The following KAZN variants were observed in gnomAD, a reference collection of about 807,000 sequenced individuals.
KAZN encodes the protein kazrin, periplakin interacting protein, also known as kazrin.
KAZN carries 40 observed loss-of-function variants against 87.4 expected under a neutral mutation model. The observed-to-expected ratio is 0.46, with a 90% confidence interval of 0.36 to 0.60. The LOEUF (loss-of-function observed/expected upper bound fraction) is 0.60. Among genes scored for constraint, KAZN ranks in the 20% least tolerant of loss-of-function variants. The probability of loss-of-function intolerance (pLI) is 0.00; values close to 1 mark genes in which losing one functional copy is unlikely to be tolerated. For missense variants in KAZN, 898 were observed against 1,073.9 expected, an observed-to-expected ratio of 0.84 and a Z score of 2.29; for synonymous variants, 466 against 458.3, an observed-to-expected ratio of 1.02 and a Z score of -0.22.
At chr1:14,718,670 C>T (rs1031573418) in intron 1 of KAZN, among the ~76,000 whole-genome samples, 13 of 152,148 alleles carry the variant, frequency 8.5e-5, no homozygotes, top group East Asian at 1.9e-4. Context: ...TTAGCACACG[C>T]GGGCAGTGCC....
At position 14,997,204 on chromosome 1, in the gene KAZN, CATTTATTTATTTATTTATTT is replaced by C. The variant is rs35436643; in HGVS notation, c.418+36362_418+36381del. 1.7e-3 allele frequency among the ~76,000 whole-genome samples: 203 copies of C among 120,892 alleles called. 1 individual carries two copies. Among genetic ancestry groups the C allele is most frequent in the East Asian group, 0.014 (57 of 4,042 alleles). 79.3% of individuals were successfully genotyped at this position (120,892 alleles called of 152,430 possible). ...TCTGTTTTCTTTTCTTTCTTTCTTT[CATTTATTTATTTATTTATTT>C]ATTTATTTATTTATTTATTTATTTA... On this transcript the variant is annotated intron_variant, in intron 2 of 14. Transcript: ENST00000376030.
chr1:14,218,955 A>G (rs1270967437), intron 2 of KAZN, among the ~76,000 whole-genome samples: 1 of 152,168 alleles, frequency 6.6e-6, no homozygotes, highest in East Asian at 1.9e-4. Context: ...CATGGCTGTG[A>G]TAGAAGAATA....
chr1:14,924,628 G>T lies in KAZN; in HGVS notation c.227-36056G>T, dbSNP rs370027200. 3.3e-5 allele frequency: 31 copies of T among 943,618 alleles called. No homozygotes were observed. The East Asian group carries it at 2.9e-3, about 89-fold the overall frequency. The allele number at this position is 943,618 out of a possible 1,614,324, so 58.5% of individuals were successfully genotyped here. ...CGGCGCGGACACAGGCCCAGGAGCC[G>T]CCGGGGCCGGGCGCGCGAGGGCGCT... On this transcript the variant is annotated intron_variant, in intron 1 of 14. Coordinates refer to ENST00000376030, the MANE Select transcript of KAZN (RefSeq NM_201628.3).
chr1:14,421,900 A>G (rs1042428778), intron 2 of KAZN, among the ~76,000 whole-genome samples: 8 of 152,130 alleles, frequency 5.3e-5, no homozygotes, highest in Non-Finnish European at 8.8e-5. Flanking sequence ...TGAATAACCA[A>G]CTACACTGAC....
At position 15,066,427 on chromosome 1, in the gene KAZN, G is replaced by C; in HGVS notation, c.1222+674G>C. The C allele has an allele frequency of 1.0e-6, 1 of 985,254 alleles. No homozygotes were observed. The highest frequency in any genetic ancestry group is 1.7e-5 in the African/African-American group (1 of 57,274). 61.0% of individuals were successfully genotyped at this position (985,254 alleles called of 1,614,324 possible). On this transcript the variant is annotated intron_variant, in intron 8 of 14. Transcript: ENST00000376030. This position sits in a 1 kb window ranked among gnomAD's most constrained non-coding sequence, Gnocchi z 4.3. ...ACCACAAAACGCCATCGTCGTCAGG[G>C]TAAGCTCTGCTCTCTACAAAGACTC...
chr1:15,043,574 A>ACGG (rs1389498641), intron 3 of KAZN, among the ~76,000 whole-genome samples: 5 of 144,262 alleles, frequency 3.5e-5, no homozygotes, highest in Non-Finnish European at 7.5e-5. Context: ...GTTCGTGCCC[A>ACGG]CGGCTTTCCC....
intron 2 of KAZN, among the ~76,000 whole-genome samples, chr1:14,547,521 T>C (rs1430936930): frequency 6.6e-6 from 1 of 152,184 alleles, no homozygotes; most frequent in Non-Finnish European, 1.5e-5. Context: ...ATTGACGACA[T>C]GAATCAAAAC....
intron 2 of KAZN, among the ~76,000 whole-genome samples, chr1:14,396,903 T>TTTC (rs1188150786): frequency 6.6e-6 from 1 of 151,446 alleles, no homozygotes; most frequent in Non-Finnish European, 1.5e-5. Context: ...TCTATGAGTT[T>TTTC]TTTTTTTTTA....
At chr1:14,024,149 G>C (rs1018963778) in intron 1 of KAZN, among the ~76,000 whole-genome samples, 5 of 152,324 alleles carry the variant, frequency 3.3e-5, no homozygotes, top group African/African-American at 1.2e-4. Flanking sequence ...AAAACCTTCA[G>C]GCTGGTGACC....
At chr1:14,357,501 G>T (rs192740275) in intron 2 of KAZN, among the ~76,000 whole-genome samples, 39 of 152,126 alleles carry the variant, frequency 2.6e-4, no homozygotes, top group African/African-American at 8.9e-4. Flanking sequence ...GTCTTGTGCC[G>T]GTTTTCAAAG....
At position 13,952,333 on chromosome 1, in the gene KAZN, A is replaced by AGATGAT. The variant is rs201399948; in HGVS notation, c.91+58580_91+58581insGATGAT. Among the ~76,000 whole-genome samples, 4 of 85,152 alleles carry AGATGAT rather than the reference A, an allele frequency of 4.7e-5. No homozygotes were observed. The South Asian group carries it at 1.7e-3, about 37-fold the overall frequency. 55.9% of individuals were successfully genotyped at this position (85,152 alleles called of 152,430 possible). On this transcript the variant is annotated intron_variant, in intron 1 of 16. Transcript: ENST00000636203. ...GCTTGGAGTCTTAGGTATAAAATGG[A>AGATGAT]GATAATAATAATAATAATAATAATA...
chr1:14,809,186 A>T (rs1646325449), intron 1 of KAZN, among the ~76,000 whole-genome samples: 1 of 152,220 alleles, frequency 6.6e-6, no homozygotes, highest in African/African-American at 2.4e-5. Flanking sequence ...GGGGCTGAGC[A>T]CATTACCTCC....
chr1:14,247,350 A>G (rs1229701104), intron 2 of KAZN, among the ~76,000 whole-genome samples: 1 of 152,178 alleles, frequency 6.6e-6, no homozygotes, highest in Non-Finnish European at 1.5e-5. Flanking sequence ...TTACACTATT[A>G]AAAAACCAAA....
At chr1:14,866,689 T>A (rs1651495607) in intron 1 of KAZN, among the ~76,000 whole-genome samples, 1 of 152,194 alleles carries the variant, frequency 6.6e-6, no homozygotes, top group Non-Finnish European at 1.5e-5. Flanking sequence ...ATTGTGCCAC[T>A]GCACTCCAGC....
At chr1:15,090,057 A>C (rs913590486) in intron 8 of KAZN, among the ~76,000 whole-genome samples, 1 of 152,184 alleles carries the variant, frequency 6.6e-6, no homozygotes, top group Non-Finnish European at 1.5e-5. Context: ...TGCAACTTTC[A>C]CACCCCCATA....
At chr1:15,103,243 G>A (rs1371480613) in intron 11 of KAZN, 116 bp from the exon 12 acceptor site, 2 of 731,612 alleles carry the variant, frequency 2.7e-6, no homozygotes, top group Admixed American at 4.4e-5. Context: ...CTCATGCCTG[G>A]GCAGCAGAGA....
intron 2 of KAZN, among the ~76,000 whole-genome samples, chr1:14,457,353 C>A (rs901648369): frequency 2.0e-5 from 3 of 152,158 alleles, no homozygotes; most frequent in African/African-American, 7.2e-5. Flanking sequence ...TTCCCAATTT[C>A]TCTACCAGGG....
At chr1:14,107,677 G>A (rs183323596) in intron 1 of KAZN, among the ~76,000 whole-genome samples, 1 of 152,298 alleles carries the variant, frequency 6.6e-6, no homozygotes, top group African/African-American at 2.4e-5. Flanking sequence ...TTATGATGCT[G>A]CAGTGGAGAT....
intron 2 of KAZN, among the ~76,000 whole-genome samples, chr1:14,188,807 AT>A (rs1002658688): frequency 6.6e-6 from 1 of 152,024 alleles, no homozygotes. Context: ...CATTGCCAAT[AT>A]TTTTTTCCAC....
Sources: gnomAD v4.1 joint callset for allele counts (sites outside exome capture counted in the v4.1 genomes callset) on GRCh38, gnomAD v4.1.1 for gene constraint, Gnocchi (gnomAD v3.1) non-coding constraint, MANE v1.5 for transcripts, NCBI Gene and HGNC (gene_info 2026-07-23, HGNC 2026-07-21) for gene names.